The following DMD variants were observed in gnomAD, a reference collection of about 807,000 sequenced individuals.
DMD encodes dystrophin, also known as mutant dystrophin.
In DMD, 63 loss-of-function variants were observed where a neutral mutation model predicts 330.1. That is an observed-to-expected ratio of 0.19 (90% CI 0.16 to 0.24). DMD has a LOEUF of 0.24. DMD is among the 10% of genes least tolerant of loss of function. The pLI is 1.00. For synonymous variants in DMD, 1,223 were observed against 959.8 expected, an observed-to-expected ratio of 1.27 and a Z score of -5.07; for missense variants, 3,344 against 2,684.1, an observed-to-expected ratio of 1.25 and a Z score of -5.43.
intron 43 of DMD, among the ~76,000 whole-genome samples, chrX:32,238,867 G>A (rs1232274878): frequency 9.1e-6 from 1 of 109,795 alleles, no homozygotes; most frequent in Non-Finnish European, 1.9e-5. Flanking sequence ...TTGCTGTGCT[G>A]GGCATTTAGT....
At chrX:32,849,178 T>G (rs754434187) in intron 3 of DMD, among the ~76,000 whole-genome samples, 1 of 111,749 alleles carries the variant, frequency 8.9e-6, no homozygotes, top group East Asian at 2.8e-4. Flanking sequence ...ATTTGAGTTC[T>G]TTCCCCCCCC....
intron 16 of DMD, among the ~76,000 whole-genome samples, chrX:32,563,653 T>G (rs73621805): frequency 0.017 from 1,886 of 111,729 alleles, 38 homozygotes; most frequent in African/African-American, 0.057. Flanking sequence ...GAATTAAAAA[T>G]AAGGCTTCAA....
chrX:31,318,702 T>C (rs1016771284), intron 62 of DMD, among the ~76,000 whole-genome samples: 4 of 112,094 alleles, frequency 3.6e-5, no homozygotes, highest in Admixed American at 1.9e-4. Context: ...TTCTTGAGCA[T>C]TGCATGTAAA....
chrX:32,132,026 G>A (rs188526117), intron 44 of DMD, among the ~76,000 whole-genome samples: 138 of 111,992 alleles, frequency 1.2e-3, no homozygotes, highest in African/African-American at 3.9e-3. Context: ...ATATAAAAAT[G>A]GAAGGTCCCA....
chrX:31,399,350 T>C, intron 60 of DMD, among the ~76,000 whole-genome samples: 1 of 104,316 alleles, frequency 9.6e-6, no homozygotes, highest in Non-Finnish European at 1.9e-5. Context: ...AAGCCGCTTC[T>C]CTTTGATGTC....
intron 49 of DMD, among the ~76,000 whole-genome samples, chrX:31,824,493 T>G (rs1227464098): frequency 9.0e-6 from 1 of 111,436 alleles, no homozygotes; most frequent in Non-Finnish European, 1.9e-5. Flanking sequence ...TCAGATGATC[T>G]GCCCATCTTG....
intron 7 of DMD, among the ~76,000 whole-genome samples, chrX:32,728,597 C>G (rs747885792): frequency 8.9e-6 from 1 of 112,117 alleles, no homozygotes; most frequent in South Asian, 3.7e-4. Flanking sequence ...GTGTTAGCAA[C>G]AAAGCTTGTC....
intron 62 of DMD, chrX:31,266,874 T>TG (rs768317060): frequency 1.7e-6 from 2 of 1,193,820 alleles, no homozygotes; most frequent in Non-Finnish European, 2.3e-6. Context: ...AGTGGAGGAG[T>TG]GAGCTTCCCA....
At chrX:31,553,458 T>C (rs970780675) in intron 55 of DMD, among the ~76,000 whole-genome samples, 4 of 112,136 alleles carry the variant, frequency 3.6e-5, no homozygotes, top group African/African-American at 9.7e-5. Flanking sequence ...TTAAAAGCAA[T>C]GGCAAAGACC....
chrX:31,570,599 T>C (rs1341190943), intron 55 of DMD, among the ~76,000 whole-genome samples: 1 of 111,899 alleles, frequency 8.9e-6, no homozygotes, highest in East Asian at 2.8e-4. Context: ...GTGGTTGCTA[T>C]ATGGCTAATC....
At position 32,386,558 on chromosome X, in the gene DMD, G is replaced by A. The variant is rs775043072; in HGVS notation, c.4519-93C>T. 1.9e-4 allele frequency: 149 copies of A among 804,000 alleles called. No individual in the cohort carries two copies. In the African/African-American group the frequency reaches 2.9e-3, roughly 16 times the overall value. The allele number at this position is 804,000 out of a possible 1,213,427, so 66.3% of individuals were successfully genotyped here. ...GAAATAAATAGAGATCCCCTTAATT[G>A]CTATTCCATGTTTGAAATTTTAATA... is the stretch of plus-strand genomic sequence containing the variant. On this transcript the variant is annotated intron_variant, in intron 32 of 78. Transcript: ENST00000357033.
At chrX:32,627,967 GCA>G (rs2058463905) in intron 11 of DMD, among the ~76,000 whole-genome samples, 1 of 109,642 alleles carries the variant, frequency 9.1e-6, no homozygotes, top group Admixed American at 9.8e-5. Flanking sequence ...ATTCATACAG[GCA>G]TACAGGCATA....
chrX:32,397,150 A>G (rs1045304909), intron 30 of DMD, among the ~76,000 whole-genome samples: 2 of 111,701 alleles, frequency 1.8e-5, no homozygotes, highest in African/African-American at 6.5e-5. Flanking sequence ...AAGGAAAATG[A>G]TCTCTCTACT....
rs1314944162 is a variant in DMD at position 32,405,733 on chromosome X, A to G, written c.4233+6019T>C. On this transcript the variant is annotated intron_variant, in intron 30 of 78. Coordinates refer to ENST00000357033, the MANE Select transcript of DMD (RefSeq NM_004006.3). ...TGGCTTAGGATTGACTTGGCGATGC[A>G]GGCTCCTTTATGGTTCCATATGAAC... 6.3e-5 allele frequency among the ~76,000 whole-genome samples: 7 copies of G among 111,429 alleles called. 1 individual carries two copies. The highest frequency in any genetic ancestry group is 4.8e-4 in the Admixed American group (5 of 10,460).
rs189108151 is a variant in DMD, at chrX:32,041,577, T to A, written c.6439-73063A>T. Among the ~76,000 whole-genome samples the A allele has an allele frequency of 5.1e-3, 576 of 112,043 alleles. 2 individuals carry two copies. Among genetic ancestry groups the A allele is most frequent in the African/African-American group, 0.018 (551 of 30,855 alleles). On this transcript the variant is annotated intron_variant, in intron 44 of 78. Coordinates refer to ENST00000357033, the MANE Select transcript of DMD (RefSeq NM_004006.3). ...TCATATGTTTGAGTGTTTTGTTTAC[T>A]GATACTTCCTCAGTTTTTGTTTCTT...
At chrX:32,695,828 T>A (rs57345504) in intron 9 of DMD, among the ~76,000 whole-genome samples, 15,672 of 110,408 alleles carry the variant, frequency 0.14, 2,639 homozygotes, top group African/African-American at 0.48. Flanking sequence ...TTCCCATGAG[T>A]TTCATAAGCT....
intron 4 of DMD, among the ~76,000 whole-genome samples, chrX:32,833,241 TTTTCA>T (rs1211885496): frequency 9.0e-6 from 1 of 111,394 alleles, no homozygotes; most frequent in African/African-American, 3.2e-5. Context: ...TGGAGTCATG[TTTTCA>T]TTTGTTTATA....
intron 54 of DMD, among the ~76,000 whole-genome samples, chrX:31,634,362 G>C (rs780199691): frequency 9.0e-6 from 1 of 111,470 alleles, no homozygotes; most frequent in Non-Finnish European, 1.9e-5. Flanking sequence ...TGACCTAAAT[G>C]TTCCCAAAGT....
At chrX:32,123,244 A>ATATATATATATATATATAT (rs1569544914) in intron 44 of DMD, among the ~76,000 whole-genome samples, 1 of 42,715 alleles carries the variant, frequency 2.3e-5, no homozygotes, top group Non-Finnish European at 4.2e-5. Flanking sequence ...TATATATATA[A>ATATATATATATATATATAT]ATGATCAAAA....
Sources: allele counts gnomAD v4.1 joint callset (sites outside exome capture counted in the v4.1 genomes callset), GRCh38; gene constraint gnomAD v4.1.1; transcripts MANE v1.5; gene names NCBI Gene and HGNC (gene_info 2026-07-23, HGNC 2026-07-21).